EXOC4: variants seen among roughly 807,000 people sequenced by gnomAD.
The protein encoded by EXOC4 is SEC8-like 1.
A neutral mutation model predicts 107.2 loss-of-function variants in EXOC4; 71 were observed. The ratio of observed to expected loss-of-function variants is 0.66; its 90% CI spans 0.55 to 0.81. The LOEUF (loss-of-function observed/expected upper bound fraction) is 0.81, where lower values mean the gene tolerates loss of function less well. Ranked by LOEUF, EXOC4 falls within the 30% of genes least tolerant of loss-of-function variation. The pLI, the probability that EXOC4 is intolerant of heterozygous loss-of-function variation, is 0.00. For synonymous variants in EXOC4, 456 were observed against 441.2 expected, an observed-to-expected ratio of 1.03 and a Z score of -0.42; for missense variants, 1,108 against 1,189.6, an observed-to-expected ratio of 0.93 and a Z score of 1.01.
chr7:133,597,325 G>A (rs888526789), intron 9 of EXOC4, among the ~76,000 whole-genome samples: 2 of 152,048 alleles, frequency 1.3e-5, no homozygotes, highest in Non-Finnish European at 1.5e-5. Flanking sequence ...AGGCCGAGGC[G>A]GGTGGATCAC....
At chr7:134,052,895 T>TC (rs906672692) in intron 17 of EXOC4, among the ~76,000 whole-genome samples, 4 of 152,102 alleles carry the variant, frequency 2.6e-5, no homozygotes, top group Non-Finnish European at 4.4e-5. Flanking sequence ...CCTGACCATC[T>TC]CCCCCCGGAG....
chr7:133,877,462 C>T (rs1330031560), intron 11 of EXOC4, among the ~76,000 whole-genome samples: 1 of 152,142 alleles, frequency 6.6e-6, no homozygotes, highest in Admixed American at 6.5e-5. Context: ...GTCAACCTTG[C>T]TTCTAGGCTT....
At chr7:133,350,791 C>T (rs1265698241) in intron 5 of EXOC4, among the ~76,000 whole-genome samples, 4 of 152,004 alleles carry the variant, frequency 2.6e-5, no homozygotes, top group Admixed American at 2.0e-4. Flanking sequence ...GTATTGGCAT[C>T]TTAACAGTAG....
intron 9 of EXOC4, among the ~76,000 whole-genome samples, chr7:133,609,746 A>T (rs183731291): frequency 1.6e-4 from 24 of 152,280 alleles, no homozygotes; most frequent in Non-Finnish European, 2.9e-5. Flanking sequence ...GGTCGAGCTG[A>T]CTCGCTGGAG....
chr7:133,367,803 C>T (rs1410274809), intron 6 of EXOC4, among the ~76,000 whole-genome samples: 1 of 152,170 alleles, frequency 6.6e-6, no homozygotes, highest in Non-Finnish European at 1.5e-5. Flanking sequence ...TAACACAGTG[C>T]TCGGCATGTT....
At chr7:133,971,626 T>C (rs1801241595) in intron 14 of EXOC4, among the ~76,000 whole-genome samples, 1 of 152,026 alleles carries the variant, frequency 6.6e-6, no homozygotes, top group African/African-American at 2.4e-5. Flanking sequence ...AAGGAGTAAT[T>C]GCCTCCTTAA....
At chr7:133,601,772 G>C (rs1801812723) in intron 9 of EXOC4, 1 of 152,248 alleles carries the variant, frequency 6.6e-6, no homozygotes, top group African/African-American at 2.4e-5. Context: ...CTTAAGGTGT[G>C]AATTGTGGCC....
At chr7:133,869,173 G>T (rs1184336536) in intron 11 of EXOC4, among the ~76,000 whole-genome samples, 2 of 152,010 alleles carry the variant, frequency 1.3e-5, no homozygotes, top group African/African-American at 4.8e-5. Context: ...GTGGGCAGCT[G>T]AATTCCTGTG....
At chr7:133,732,248 A>G (rs1288422052) in intron 10 of EXOC4, among the ~76,000 whole-genome samples, 3 of 152,140 alleles carry the variant, frequency 2.0e-5, no homozygotes, top group African/African-American at 7.2e-5. Context: ...GAACACATGA[A>G]CCCAGAGAAA....
intron 10 of EXOC4, among the ~76,000 whole-genome samples, chr7:133,809,207 G>T (rs1797156466): frequency 1.3e-5 from 2 of 152,108 alleles, no homozygotes; most frequent in South Asian, 4.1e-4. Flanking sequence ...GGCTTTTGTA[G>T]CACACGTAAT....
At chr7:133,327,164 G>A (rs10808269) in intron 5 of EXOC4, among the ~76,000 whole-genome samples, 102,505 of 152,152 alleles carry the variant, frequency 0.67, 36,306 homozygotes, top group East Asian at 0.84. Flanking sequence ...CCCGAGTGAG[G>A]CGATGCTTCG....
the EXOC4 span, among the ~76,000 whole-genome samples, chr7:134,084,011 A>C: frequency 6.6e-6 from 1 of 152,214 alleles, no homozygotes; most frequent in Non-Finnish European, 1.5e-5. Context: ...AGTGAGGCTT[A>C]TTATAGCAAA....
At position 133,480,347 on chromosome 7, in the gene EXOC4, G is replaced by A. The variant is rs894020653; in HGVS notation, c.1417+209G>A. The stretch of plus-strand genomic sequence containing the variant: ...CCATAGGACTTGTAGACCTGCTACT[G>A]TTCAAGTGGGAATTCAAAGCAAAAA... On this transcript the variant is annotated intron_variant, in intron 9 of 17. Transcript: ENST00000253861. 6 of 1,373,826 alleles carry A rather than the reference G, an allele frequency of 4.4e-6. No individual in the cohort carries two copies. In the African/African-American group the frequency reaches 4.4e-5, roughly 10 times the overall value. 85.1% of individuals were successfully genotyped at this position (1,373,826 alleles called of 1,614,324 possible).
At chr7:133,860,346 A>G (rs1798507392) in intron 11 of EXOC4, among the ~76,000 whole-genome samples, 1 of 152,178 alleles carries the variant, frequency 6.6e-6, no homozygotes, top group South Asian at 2.1e-4. Flanking sequence ...TCTACATATT[A>G]CACTGTCAAG....
chr7:133,952,612 AC>A (rs1800718682), intron 14 of EXOC4, among the ~76,000 whole-genome samples: 1 of 152,110 alleles, frequency 6.6e-6, no homozygotes, highest in Non-Finnish European at 1.5e-5. Flanking sequence ...ATCTTCTCAA[AC>A]TAAAACTCCA....
chr7:133,917,739 G>A lies in EXOC4; in HGVS notation c.2027+1G>A. 1.2e-6 allele frequency: 2 copies of A among 1,613,548 alleles called. No individual in the cohort carries two copies. Among genetic ancestry groups the A allele is most frequent in the Non-Finnish European group, 1.7e-6 (2 of 1,179,772 alleles). On this transcript the variant is annotated splice_donor_variant, in intron 13 of 17. Transcript: ENST00000253861. LOFTEE classifies it high-confidence loss of function. ...GAGAGGAGGAAGAAGATTTCATAAG[G>A]TAAAAGGTCCATTTTCTAAGTTGTC...
At chr7:133,648,106 A>G (rs556719258) in intron 10 of EXOC4, among the ~76,000 whole-genome samples, 30 of 152,346 alleles carry the variant, frequency 2.0e-4, no homozygotes, top group Non-Finnish European at 2.6e-4. Flanking sequence ...GACTTTTATT[A>G]AATACATTTA....
At chr7:133,671,609 G>T (rs978133487) in intron 10 of EXOC4, among the ~76,000 whole-genome samples, 1 of 152,050 alleles carries the variant, frequency 6.6e-6, no homozygotes, top group African/African-American at 2.4e-5. Flanking sequence ...TTTGGCTGCC[G>T]TATGAAGAAT....
chr7:133,305,984 A>G lies in EXOC4; in HGVS notation c.579A>G (p.Ile193Met). ...SKKMNLHLVL[I>M]DELHRHLYIK... ...AGATGAACCTTCACTTGGTTCTCAT[A>G]GATGAACTACACCGGCACCTGTACA... The change falls in exon 4 of 18, where the codon ATA (isoleucine) becomes ATG (methionine). Residue 193 changes from isoleucine (I) to methionine (M), a missense_variant. Physicochemically the swap from Ile to Met is conservative, Grantham distance 10 (BLOSUM62 1). Coordinates refer to ENST00000253861, the MANE Select transcript of EXOC4 (RefSeq NM_021807.4). 1.2e-6 allele frequency: 2 copies of G among 1,613,964 alleles called. No homozygotes were observed. Among genetic ancestry groups the G allele is most frequent in the South Asian group, 2.2e-5 (2 of 91,050 alleles).
Sources: gnomAD v4.1 joint callset for allele counts (sites outside exome capture counted in the v4.1 genomes callset) on GRCh38, gnomAD v4.1.1 for gene constraint, MANE v1.5 for transcripts, NCBI Gene and HGNC (gene_info 2026-07-23, HGNC 2026-07-21) for gene names.